STRA6: variants seen among roughly 807,000 people sequenced by gnomAD.
STRA6 encodes the protein receptor for retinol uptake STRA6.
STRA6 carries 48 observed loss-of-function variants against 83.6 expected under a neutral mutation model. The ratio of observed to expected loss-of-function variants is 0.57; its 90% confidence interval spans 0.46 to 0.73. The LOEUF is 0.73. Ranked by LOEUF, STRA6 falls within the 30% of genes least tolerant of loss-of-function variation. The pLI is 0.00. For missense variants in STRA6, 760 were observed against 838.8 expected (o/e 0.91, Z 1.16); for synonymous variants, 353 against 362.3 (o/e 0.97, Z 0.29).
Position 74,180,223 on chromosome 15 carries a change from TTGTC to T in STRA6, c.1857_1860del (p.Thr620ArgfsTer153), listed in dbSNP as rs764057927. ...CTAGCTCCCTTGGCCATGGAGTCCT[TTGTC>T]TGTAGCAGCTGCATCCCTGAGAGAG... On this transcript the variant is annotated frameshift_variant, in exon 19 of 19. Coordinates refer to ENST00000395105, the MANE Select transcript of STRA6 (RefSeq NM_022369.4). LOFTEE classifies it low-confidence loss of function (END_TRUNC). 1.2e-6 allele frequency: 2 copies of T among 1,614,066 alleles called. No homozygotes were observed. The highest frequency in any genetic ancestry group is 1.7e-6 in the Non-Finnish European group (2 of 1,180,002).
intron 5 of STRA6, 105 bp from the exon 6 acceptor site, chr15:74,195,780 C>T (rs1243076958): frequency 4.6e-6 from 4 of 868,020 alleles, no homozygotes; most frequent in African/African-American, 1.7e-5. Flanking sequence ...TAAGATACTA[C>T]TTCCCTGGCT....
In STRA6 at chr15:74,179,971, C is replaced by G. The variant is rs1331754824; in HGVS notation, c.*109G>C. The G allele has an allele frequency of 1.4e-5, 20 of 1,454,730 alleles. No individual in the cohort carries two copies. In the East Asian group the frequency reaches 4.4e-4, roughly 32 times the overall value. The allele number at this position is 1,454,730 out of a possible 1,614,324, so 90.1% of individuals were successfully genotyped here. A position where few individuals can be genotyped will look rare whatever the true frequency, so the allele number is the denominator to read the frequency against. ...CAACCACAGTGATCCGGAGGACCTG[C>G]TGGCTGCATGGCTGGTGTGATGCTG... On this transcript the variant is annotated 3_prime_UTR_variant, in exon 19 of 19. Transcript: ENST00000395105.
chr15:74,203,305 A>T, upstream of STRA6: 1 of 690,272 alleles, frequency 1.4e-6, no homozygotes, highest in South Asian at 6.5e-5. Flanking sequence ...ACGGGTAGGC[A>T]AGAGGAGCCC....
chr15:74,199,101 G>T (rs1478318953), intron 2 of STRA6, among the ~76,000 whole-genome samples: 21 of 152,210 alleles, frequency 1.4e-4, no homozygotes, highest in Admixed American at 1.4e-3. Flanking sequence ...GCGAGGGCCT[G>T]AGATGGAGCC....
At chr15:74,198,611 T>C (rs1431957038) in intron 2 of STRA6, among the ~76,000 whole-genome samples, 1 of 152,186 alleles carries the variant, frequency 6.6e-6, no homozygotes, top group Non-Finnish European at 1.5e-5. Flanking sequence ...GTGACTAAAA[T>C]GATCTCCCCT....
chr15:74,210,238 G>A (rs904873190), upstream of STRA6, among the ~76,000 whole-genome samples: 3 of 152,212 alleles, frequency 2.0e-5, no homozygotes, highest in African/African-American at 7.2e-5. Context: ...TATATATGGA[G>A]ACAAAATTCC....
rs2072883499 is a variant in STRA6 at position 74,179,744 on chromosome 15, G to C, written c.*336C>G. 1 of 265,788 alleles carries C rather than the reference G, an allele frequency of 3.8e-6. No individual in the cohort carries two copies. The allele number at this position is 265,788 out of a possible 1,614,324, so 16.5% of individuals were successfully genotyped here. A position where few individuals can be genotyped will look rare whatever the true frequency, so the allele number is the denominator to read the frequency against. ...GGAGCTGGGCTGGAGTGGTTCCAGAGAAGGCTTCATCGAGGCCCTTCAAGG... is the reference window on the plus strand; with the variant it reads ...GGAGCTGGGCTGGAGTGGTTCCAGACAAGGCTTCATCGAGGCCCTTCAAGG... On this transcript the variant is annotated 3_prime_UTR_variant, in exon 19 of 19. Transcript: ENST00000395105.
rs368420943 is a variant in STRA6 at position 74,208,762 on chromosome 15, C to G, written c.-16+38G>C. 8.3e-5 allele frequency: 82 copies of G among 988,896 alleles called. 1 individual carries two copies. The African/African-American group carries it at 1.4e-3, about 17-fold the overall frequency. 61.3% of individuals were successfully genotyped at this position (988,896 alleles called of 1,614,324 possible). ...CTTCTCGCTGTTCCCCGACCTGTTC[C>G]AATCCCACCTGGCCTCCCAGACTTG... On this transcript the variant is annotated intron_variant, in intron 1 of 18. Coordinates refer to the STRA6 transcript ENST00000323940.
At chr15:74,180,624 C>T (rs187154671) in intron 18 of STRA6, among the ~76,000 whole-genome samples, 158 bp downstream of exon 18, 2 of 152,266 alleles carry the variant, frequency 1.3e-5, no homozygotes, top group East Asian at 3.9e-4. Context: ...GAAAAAATCA[C>T]CCTGAGATCA....
At chr15:74,196,307 A>T (rs2073819061) in intron 4 of STRA6, 160 bp from the exon 5 acceptor site, 1 of 1,185,112 alleles carries the variant, frequency 8.4e-7, no homozygotes, top group African/African-American at 1.5e-5. Flanking sequence ...ATATTTGTGG[A>T]GTGCCTCTTA....
Position 74,202,725 on chromosome 15 carries a change from C to G in STRA6, c.-28G>C, listed in dbSNP as rs578022066. On this transcript the variant is annotated 5_prime_UTR_variant, in exon 1 of 19. Transcript: ENST00000395105. Reference sequence around the variant, plus strand: ...CCCACAGACACACCAGAAGGGAGGCCCAGGGAGGAAGGAGTTGCAGAGATG... The same window carrying G: ...CCCACAGACACACCAGAAGGGAGGCGCAGGGAGGAAGGAGTTGCAGAGATG... 8.1e-5 allele frequency: 101 copies of G among 1,251,826 alleles called. 1 individual carries two copies. In the South Asian group the frequency reaches 3.0e-3, roughly 37 times the overall value. The allele number at this position is 1,251,826 out of a possible 1,614,324, so 77.5% of individuals were successfully genotyped here.
chr15:74,203,973 A>C (rs1230728781), upstream of STRA6, among the ~76,000 whole-genome samples: 1 of 152,184 alleles, frequency 6.6e-6, no homozygotes. Flanking sequence ...CAGAGTAGAC[A>C]GGGCTTGAAA....
chr15:74,205,909 AC>A (rs1315773973), upstream of STRA6, among the ~76,000 whole-genome samples: 1 of 152,228 alleles, frequency 6.6e-6, no homozygotes. Context: ...TGTGCCTGGT[AC>A]TTTGGCCAGG....
upstream of STRA6, among the ~76,000 whole-genome samples, chr15:74,206,386 G>A (rs936958023): frequency 6.6e-6 from 1 of 152,238 alleles, no homozygotes; most frequent in African/African-American, 2.4e-5. Flanking sequence ...GCTCCCATCT[G>A]CAAAATGGGA....
upstream of STRA6, chr15:74,203,323 C>G: frequency 1.8e-5 from 8 of 448,220 alleles, no homozygotes; most frequent in Non-Finnish European, 2.4e-5. Flanking sequence ...CCCCGCCTGC[C>G]TCCTGCTCCT....
upstream of STRA6, chr15:74,207,614 A>T: frequency 7.6e-7 from 1 of 1,308,812 alleles, no homozygotes; most frequent in Non-Finnish European, 1.1e-6. Context: ...CTCAAACCTC[A>T]GGTACACCCC....
chr15:74,202,816 G>T (rs918518596), upstream of STRA6: 5 of 1,096,764 alleles, frequency 4.6e-6, no homozygotes, highest in African/African-American at 8.2e-5. Context: ...GGGCTCCCTT[G>T]AGCCCCTCCC....
At chr15:74,195,195 G>A (rs2073749109) in intron 7 of STRA6, 107 bp downstream of exon 7, 2 of 1,541,056 alleles carry the variant, frequency 1.3e-6, no homozygotes, top group South Asian at 1.2e-5. Flanking sequence ...CACAATGGAA[G>A]GCTGCAGGGC....
chr15:74,191,657 C>T (rs1050107647), intron 8 of STRA6, 166 bp from the exon 9 acceptor site: 13 of 679,594 alleles, frequency 1.9e-5, no homozygotes, highest in South Asian at 7.8e-5. Flanking sequence ...GGATGAGGTC[C>T]GTGCCCTCCA....
Sources: allele counts gnomAD v4.1 joint callset (sites outside exome capture counted in the v4.1 genomes callset), GRCh38; gene constraint gnomAD v4.1.1; transcripts MANE v1.5; gene names NCBI Gene and HGNC (gene_info 2026-07-23, HGNC 2026-07-21).